The following MALRD1 variants were observed in gnomAD, a reference collection of about 807,000 sequenced individuals.
MALRD1 encodes the protein MAM and LDL receptor class A domain containing 1.
In MALRD1, 247 loss-of-function variants were observed where a neutral mutation model predicts 242.1. The ratio of observed to expected loss-of-function variants is 1.02; its 90% CI spans 0.92 to 1.13. MALRD1 has a LOEUF of 1.13. Among genes scored for constraint, MALRD1 ranks in the 50% most tolerant of loss-of-function variants. The pLI, the probability that MALRD1 is intolerant of heterozygous loss-of-function variation, is 0.00. For synonymous variants in MALRD1, 995 were observed against 866.6 expected (o/e 1.15, Z -2.60); for missense variants, 2,989 against 2,533.1 (o/e 1.18, Z -3.86).
intron 26 of MALRD1, among the ~76,000 whole-genome samples, chr10:19,369,140 T>A (rs964898786): frequency 7.8e-6 from 1 of 128,278 alleles, no homozygotes; most frequent in Admixed American, 8.2e-5. Context: ...ATTATTTAAA[T>A]TTAATATTAT....
At chr10:19,485,379 C>T (rs926180995) in intron 29 of MALRD1, among the ~76,000 whole-genome samples, 2 of 152,106 alleles carry the variant, frequency 1.3e-5, no homozygotes, top group Non-Finnish European at 2.9e-5. Context: ...CACGGTGGCT[C>T]ACGCCTGTAA....
Position 19,124,622 on chromosome 10 carries a change from C to T in MALRD1, c.895C>T (p.Pro299Ser). The T allele has an allele frequency of 8.1e-7, 1 of 1,233,736 alleles. No homozygotes were observed. The highest frequency in any genetic ancestry group is 1.0e-6 in the Non-Finnish European group (1 of 988,108). The allele number at this position is 1,233,736 out of a possible 1,614,324, so 76.4% of individuals were successfully genotyped here. Residue 299 changes from proline (P) to serine (S), a missense_variant, in exon 7 of 40, where the codon CCT becomes TCT. Pro to Ser is a moderately conservative substitution (Grantham distance 74). Coordinates refer to ENST00000454679, the MANE Select transcript of MALRD1 (RefSeq NM_001142308.3). ...GATGCGCACAAAAGCGAGAGAGATC[C>T]CTGCATTCGAATCCACACCTCAGCA... is the stretch of plus-strand genomic sequence containing the variant. The part of the protein sequence containing the change: ...SWMRTKAREI[P>S]AFESTPQQDQ...
intron 29 of MALRD1, among the ~76,000 whole-genome samples, chr10:19,488,295 A>T (rs1837320842): frequency 6.6e-6 from 1 of 152,184 alleles, no homozygotes; most frequent in South Asian, 2.1e-4. Context: ...CCAACTATAT[A>T]TCAGGTTCTA....
intron 26 of MALRD1, among the ~76,000 whole-genome samples, chr10:19,380,468 C>A (rs1386589681): frequency 6.6e-6 from 1 of 151,676 alleles, no homozygotes; most frequent in African/African-American, 2.4e-5. Context: ...TCATTTTTTG[C>A]TTACGTTCTT....
chr10:19,109,772 C>T (rs1486498255), intron 5 of MALRD1, among the ~76,000 whole-genome samples: 1 of 152,170 alleles, frequency 6.6e-6, no homozygotes, highest in Non-Finnish European at 1.5e-5. Context: ...CACTTTATAG[C>T]AGCAATGTAG....
At chr10:19,234,509 G>C (rs1162311582) in intron 18 of MALRD1, among the ~76,000 whole-genome samples, 5 of 151,936 alleles carry the variant, frequency 3.3e-5, no homozygotes, top group Admixed American at 6.6e-5. Context: ...TCAATAAAAA[G>C]TATCGATTTA....
chr10:19,585,007 G>T (rs1291682534), intron 33 of MALRD1, among the ~76,000 whole-genome samples: 1 of 152,078 alleles, frequency 6.6e-6, no homozygotes, highest in African/African-American at 2.4e-5. Context: ...TTTGATCTCT[G>T]TTGGTTTAAA....
At chr10:19,172,193 A>G (rs1055548873) in intron 13 of MALRD1, among the ~76,000 whole-genome samples, 8 of 134,808 alleles carry the variant, frequency 5.9e-5, no homozygotes, top group Non-Finnish European at 6.3e-5. Flanking sequence ...ATACATATAT[A>G]CACATATATA....
intron 21 of MALRD1, among the ~76,000 whole-genome samples, chr10:19,305,457 C>T (rs1011552089): frequency 1.3e-5 from 2 of 151,302 alleles, no homozygotes; most frequent in African/African-American, 2.4e-5. Context: ...TAATACGAGG[C>T]ACTGGGGAGT....
At position 19,707,871 on chromosome 10, in the gene MALRD1, C is replaced by T. The variant is rs1833939628; in HGVS notation, c.6314+15317C>T. Among the ~76,000 whole-genome samples, 5 of 119,908 alleles carry T rather than the reference C, an allele frequency of 4.2e-5. 1 individual carries two copies. In the South Asian group the frequency reaches 1.3e-3, roughly 30 times the overall value. 78.7% of individuals were successfully genotyped at this position (119,908 alleles called of 152,430 possible). On this transcript the variant is annotated intron_variant, in intron 38 of 39. Transcript: ENST00000454679. ...ACTTGGGGGCCTGAGGCAGGAGAAT[C>T]GCTTGAACCCAGGAGGCAAATGTTG...
rs140615744 is a variant in MALRD1 at position 19,294,136 on chromosome 10, G to A, written c.3419+10955G>A. Among the ~76,000 whole-genome samples the A allele has an allele frequency of 8.7e-4, 133 of 152,130 alleles. 1 individual carries two copies. Among genetic ancestry groups the A allele is most frequent in the African/African-American group, 3.1e-3 (130 of 41,512 alleles). On this transcript the variant is annotated intron_variant, in intron 21 of 39. Transcript: ENST00000454679. ...AATAAAATAATAACTTTTATATCTC[G>A]TTTACAATTGCATTCAAAAATTAAA...
intron 38 of MALRD1, among the ~76,000 whole-genome samples, chr10:19,693,512 T>G (rs2131827301): frequency 6.6e-6 from 1 of 152,176 alleles, no homozygotes; most frequent in African/African-American, 2.4e-5. Flanking sequence ...GGAATCCAAC[T>G]TACAAGGGAT....
intron 33 of MALRD1, among the ~76,000 whole-genome samples, chr10:19,583,605 G>A (rs1039068807): frequency 1.3e-5 from 2 of 152,078 alleles, no homozygotes; most frequent in South Asian, 2.1e-4. Context: ...GCTTTTCGAT[G>A]TGCTGCTGGA....
chr10:19,158,533 C>A (rs1834263707), intron 12 of MALRD1, among the ~76,000 whole-genome samples: 1 of 152,152 alleles, frequency 6.6e-6, no homozygotes, highest in African/African-American at 2.4e-5. Flanking sequence ...GGTTCAGATT[C>A]AAGGAAGTAA....
At chr10:19,626,016 C>T (rs2131635463) in intron 36 of MALRD1, among the ~76,000 whole-genome samples, 2 of 152,102 alleles carry the variant, frequency 1.3e-5, no homozygotes, top group South Asian at 4.2e-4. Flanking sequence ...TCCAAAGTTT[C>T]AAAAAGTCAA....
chr10:19,602,735 G>A (rs1303946554), intron 34 of MALRD1, among the ~76,000 whole-genome samples: 1 of 152,070 alleles, frequency 6.6e-6, no homozygotes, highest in Non-Finnish European at 1.5e-5. Context: ...TGGGTCAAAT[G>A]GTATTTCTTG....
chr10:19,278,535 A>G (rs559353694), intron 19 of MALRD1, among the ~76,000 whole-genome samples: 1 of 152,098 alleles, frequency 6.6e-6, no homozygotes, highest in East Asian at 1.9e-4. Context: ...TCACTTGTCA[A>G]TGTTAGTATA....
At chr10:19,250,180 C>T (rs1839237936) in intron 18 of MALRD1, among the ~76,000 whole-genome samples, 1 of 151,950 alleles carries the variant, frequency 6.6e-6, no homozygotes, top group African/African-American at 2.4e-5. Flanking sequence ...ATTGATCGGA[C>T]AGTAGTGCAT....
At chr10:19,502,708 G>T (rs1050022843) in intron 31 of MALRD1, among the ~76,000 whole-genome samples, 1 of 152,086 alleles carries the variant, frequency 6.6e-6, no homozygotes, top group Non-Finnish European at 1.5e-5. Context: ...CTGTGAGCTC[G>T]TTAGATATTA....
Sources: gnomAD v4.1 joint callset for allele counts (sites outside exome capture counted in the v4.1 genomes callset) on GRCh38, gnomAD v4.1.1 for gene constraint, MANE v1.5 for transcripts, NCBI Gene and HGNC (gene_info 2026-07-23, HGNC 2026-07-21) for gene names.